The following PPP2R3A variants were observed in gnomAD, a reference collection of about 807,000 sequenced individuals.
PPP2R3A encodes the protein protein phosphatase 2 regulatory subunit B''alpha.
PPP2R3A carries 80 observed loss-of-function variants against 106.9 expected under a neutral mutation model. The ratio of observed to expected loss-of-function variants is 0.75; its 90% CI spans 0.62 to 0.90. The LOEUF is 0.90. Ranked by LOEUF, PPP2R3A falls within the 40% of genes least tolerant of loss-of-function variation. The pLI, the probability that PPP2R3A is intolerant of heterozygous loss-of-function variation, is 0.00. For synonymous variants in PPP2R3A, 483 were observed against 468.3 expected (o/e 1.03, Z -0.41); for missense variants, 1,386 against 1,350.4 (o/e 1.03, Z -0.41).
chr3:136,087,942 G>C lies in PPP2R3A; in HGVS notation c.2837+11G>C. 1.9e-6 allele frequency: 3 copies of C among 1,590,264 alleles called. No homozygotes were observed. The highest frequency in any genetic ancestry group is 2.6e-6 in the Non-Finnish European group (3 of 1,160,020). On this transcript the variant is annotated intron_variant, in intron 9 of 13. Coordinates refer to ENST00000264977, the MANE Select transcript of PPP2R3A (RefSeq NM_002718.5). ...TGGTGCAGTAACAAGGTAAGAAAAC[G>C]TTTAATGCTGTGTTTAAAAATGAAC...
intron 1 of PPP2R3A, among the ~76,000 whole-genome samples, chr3:135,988,027 C>T (rs1220577913): frequency 6.6e-6 from 1 of 152,002 alleles, no homozygotes; most frequent in African/African-American, 2.4e-5. Context: ...TCTATCAACC[C>T]GGATCTGTCC....
chr3:136,121,271 T>A (rs1337130510), intron 13 of PPP2R3A, among the ~76,000 whole-genome samples: 1 of 152,220 alleles, frequency 6.6e-6, no homozygotes, highest in Non-Finnish European at 1.5e-5. Flanking sequence ...AATGAAATCA[T>A]GTCCTTTGCA....
intron 2 of PPP2R3A, among the ~76,000 whole-genome samples, chr3:136,019,036 G>C (rs1374929996): frequency 6.6e-6 from 1 of 152,218 alleles, no homozygotes; most frequent in African/African-American, 2.4e-5. Flanking sequence ...GCCTAATGAA[G>C]CTCTCTTATC....
At chr3:136,010,194 CTTCTAT>C (rs1576431340) in intron 2 of PPP2R3A, among the ~76,000 whole-genome samples, 1 of 151,716 alleles carries the variant, frequency 6.6e-6, no homozygotes, top group African/African-American at 2.4e-5. Flanking sequence ...TCTCCCTTTC[CTTCTAT>C]TTCTATTATT....
At chr3:135,972,719 C>G (rs1473471580) in intron 1 of PPP2R3A, among the ~76,000 whole-genome samples, 2 of 152,154 alleles carry the variant, frequency 1.3e-5, no homozygotes, top group Non-Finnish European at 2.9e-5. Flanking sequence ...TGACGTTGAG[C>G]ATCTTTTCAT....
intron 5 of PPP2R3A, among the ~76,000 whole-genome samples, chr3:136,056,824 A>G (rs1030723436): frequency 3.9e-5 from 6 of 152,304 alleles, no homozygotes; most frequent in South Asian, 2.1e-4. Flanking sequence ...TGCAAACCAT[A>G]TATCTGGCAA....
rs1355166279 is a variant in PPP2R3A at position 136,003,048 on chromosome 3, A to G, written c.1550A>G (p.Glu517Gly). Residue 517 changes from glutamate (E) to glycine (G), a missense_variant, in exon 2 of 14, where the codon GAA (glutamate) becomes GGA (glycine). Glu to Gly is a moderately conservative substitution (Grantham distance 98). Coordinates refer to ENST00000264977, the MANE Select transcript of PPP2R3A (RefSeq NM_002718.5). Reference sequence around the variant, plus strand: ...ATAGATAAATTGTTAATGGATTTGGAATCTTTTTCACAGAAGATGGAGACC... The same window carrying G: ...ATAGATAAATTGTTAATGGATTTGGGATCTTTTTCACAGAAGATGGAGACC... The part of the protein sequence containing the change: ...EEIDKLLMDL[E>G]SFSQKMETSL... The G allele has an allele frequency of 8.7e-6, 14 of 1,612,826 alleles. No individual in the cohort carries two copies. The highest frequency in any genetic ancestry group is 1.1e-5 in the South Asian group (1 of 90,622).
intron 13 of PPP2R3A, among the ~76,000 whole-genome samples, chr3:136,136,501 A>G (rs955664152): frequency 6.6e-6 from 1 of 152,158 alleles, no homozygotes; most frequent in Non-Finnish European, 1.5e-5. Flanking sequence ...TTAAGAGATA[A>G]TGTATATAAT....
chr3:136,004,289 G>A (rs4678435), intron 2 of PPP2R3A, among the ~76,000 whole-genome samples: 52,350 of 152,012 alleles, frequency 0.34, 9,988 homozygotes, highest in African/African-American at 0.52. Flanking sequence ...TTCCTTGTTC[G>A]TTTTATAAGT....
At chr3:136,036,765 G>T (rs935090560) in intron 3 of PPP2R3A, among the ~76,000 whole-genome samples, 1 of 152,186 alleles carries the variant, frequency 6.6e-6, no homozygotes, top group African/African-American at 2.4e-5. Flanking sequence ...TGGAGCTGCA[G>T]TCTAGTCCTG....
chr3:136,017,284 A>T (rs527745906), intron 2 of PPP2R3A, among the ~76,000 whole-genome samples: 61 of 152,166 alleles, frequency 4.0e-4, no homozygotes, highest in Non-Finnish European at 2.4e-4. Context: ...TAACCTGATG[A>T]CTGTGCCTAG....
chr3:136,086,294 C>T (rs142215641), intron 8 of PPP2R3A, among the ~76,000 whole-genome samples: 16 of 152,216 alleles, frequency 1.1e-4, no homozygotes, highest in African/African-American at 3.9e-4. Flanking sequence ...CCAGCCTGAA[C>T]AACATGGTGA....
At position 136,135,088 on chromosome 3, in the gene PPP2R3A, G is replaced by A. The variant is rs553078788; in HGVS notation, c.3330-9955G>A. On this transcript the variant is annotated intron_variant, in intron 13 of 13. Transcript: ENST00000264977. ...CAAGTTGTGGTAGCACTGAGAGAAC[G>A]TGCCAGTGGAAGGAAGAAAGAGGAG... is the stretch of plus-strand genomic sequence containing the variant. Among the ~76,000 whole-genome samples, 7 of 151,276 alleles carry A rather than the reference G, an allele frequency of 4.6e-5. No homozygotes were observed. In the East Asian group the frequency reaches 5.8e-4, roughly 13 times the overall value.
chr3:136,048,638 C>T (rs1355646084), intron 4 of PPP2R3A, among the ~76,000 whole-genome samples: 1 of 150,772 alleles, frequency 6.6e-6, no homozygotes, highest in Non-Finnish European at 1.5e-5. Context: ...TGCCACTGCA[C>T]TCCAGCCTGG....
At position 136,136,067 on chromosome 3, in the gene PPP2R3A, AAAAAAATTAT is replaced by A. The variant is rs1342156785; in HGVS notation, c.3330-8974_3330-8965del. Reference sequence around the variant, plus strand: ...TCTCAAAAAAAAAAAAAAAAAAAAAAAAAAAATTATATATATATATATATATAAAAAACAT... The same window carrying A: ...TCTCAAAAAAAAAAAAAAAAAAAAAAATATATATATATATATAAAAAACAT... On this transcript the variant is annotated intron_variant, in intron 13 of 13. Coordinates refer to ENST00000264977, the MANE Select transcript of PPP2R3A (RefSeq NM_002718.5). 1.6e-4 allele frequency among the ~76,000 whole-genome samples: 5 copies of A among 30,348 alleles called. 1 individual carries two copies. The highest frequency in any genetic ancestry group is 4.9e-4 in the Non-Finnish European group (5 of 10,142). 19.9% of individuals were successfully genotyped at this position (30,348 alleles called of 152,430 possible). A position where few individuals can be genotyped will look rare whatever the true frequency, so the allele number is the denominator to read the frequency against.
chr3:136,053,122 T>C (rs1935736941), intron 5 of PPP2R3A, among the ~76,000 whole-genome samples: 5 of 152,138 alleles, frequency 3.3e-5, no homozygotes, highest in East Asian at 1.9e-4. Context: ...GACACTGCGG[T>C]CTACTTGAGG....
chr3:135,994,401 G>A (rs749241282), intron 1 of PPP2R3A, among the ~76,000 whole-genome samples: 1 of 152,124 alleles, frequency 6.6e-6, no homozygotes, highest in Non-Finnish European at 1.5e-5. Flanking sequence ...CAGGGTGAAA[G>A]AGGGATGATT....
intron 4 of PPP2R3A, among the ~76,000 whole-genome samples, chr3:136,047,793 T>A (rs1437387117): frequency 6.6e-6 from 1 of 151,938 alleles, no homozygotes; most frequent in Non-Finnish European, 1.5e-5. Flanking sequence ...TAGTCCCAGC[T>A]ACTTGGGAGG....
intron 2 of PPP2R3A, among the ~76,000 whole-genome samples, chr3:136,023,886 C>G (rs1489871782): frequency 1.3e-5 from 2 of 152,030 alleles, no homozygotes; most frequent in Non-Finnish European, 2.9e-5. Context: ...CAAACAAGTG[C>G]CTAACATTGA....
Sources: gnomAD v4.1 joint callset for allele counts (sites outside exome capture counted in the v4.1 genomes callset) on GRCh38, gnomAD v4.1.1 for gene constraint, MANE v1.5 for transcripts, NCBI Gene and HGNC (gene_info 2026-07-23, HGNC 2026-07-21) for gene names.